Variants in AUTS2 observed in about 807,000 individuals in gnomAD.
The protein encoded by AUTS2 is activator of transcription and developmental regulator AUTS2, also known as autism susceptibility gene 2 protein.
In AUTS2, 17 loss-of-function variants were observed where a neutral mutation model predicts 112.4. That is an observed-to-expected ratio of 0.15 (90% CI 0.10 to 0.23). The LOEUF is 0.23. AUTS2 is among the 10% of genes least tolerant of loss of function. The pLI is 1.00. For synonymous variants in AUTS2, 751 were observed against 702.7 expected (o/e 1.07, Z -1.09); for missense variants, 1,510 against 1,701.6 (o/e 0.89, Z 1.98).
chr7:70,448,603 G>T (rs1482010080), intron 5 of AUTS2, among the ~76,000 whole-genome samples: 2 of 152,210 alleles, frequency 1.3e-5, no homozygotes, highest in Non-Finnish European at 2.9e-5. Context: ...TCATGGAACA[G>T]TAATTATTTC....
chr7:70,651,831 G>A (rs192852702), intron 5 of AUTS2, among the ~76,000 whole-genome samples: 91 of 152,240 alleles, frequency 6.0e-4, no homozygotes, highest in African/African-American at 2.1e-3. Flanking sequence ...GAAGTATTTG[G>A]AACTGGGGCT....
intron 1 of AUTS2, among the ~76,000 whole-genome samples, chr7:69,682,850 C>A (rs956224122): frequency 6.6e-6 from 1 of 152,146 alleles, no homozygotes; most frequent in Admixed American, 6.5e-5. Context: ...CTTTGGGAGG[C>A]TGAGGTGGGA....
chr7:70,554,689 T>C (rs192527508), intron 5 of AUTS2, among the ~76,000 whole-genome samples: 13 of 152,292 alleles, frequency 8.5e-5, no homozygotes, highest in African/African-American at 2.9e-4. Context: ...AAGGGGAAGA[T>C]ACTTAGCAGC....
rs368817087 is a variant in AUTS2 at position 70,775,306 on chromosome 7, C to G, written c.1903-51C>G. 4 of 1,528,916 alleles carry G rather than the reference C, an allele frequency of 2.6e-6. No homozygotes were observed. The African/African-American group carries it at 5.5e-5, about 21-fold the overall frequency. 94.7% of individuals were successfully genotyped at this position (1,528,916 alleles called of 1,614,324 possible). On this transcript the variant is annotated intron_variant, in intron 12 of 18. Transcript: ENST00000342771. ...AGCACTACAAATTTGTTAATTAGAG[C>G]AATTGTTTGAGTGACAGGCATGTAA...
intron 1 of AUTS2, among the ~76,000 whole-genome samples, chr7:69,658,789 A>G (rs1795661775): frequency 6.6e-6 from 1 of 152,362 alleles, no homozygotes; most frequent in South Asian, 2.1e-4. Context: ...GTTCATTACC[A>G]GGGAAATTCA....
chr7:70,543,311 G>T (rs1391734157), intron 5 of AUTS2, among the ~76,000 whole-genome samples: 1 of 152,108 alleles, frequency 6.6e-6, no homozygotes, highest in African/African-American at 2.4e-5. Context: ...AGACCAGCCT[G>T]ACCAAGATGG....
intron 5 of AUTS2, among the ~76,000 whole-genome samples, chr7:70,581,632 C>A (rs1802451501): frequency 6.6e-6 from 1 of 152,046 alleles, no homozygotes; most frequent in South Asian, 2.1e-4. Flanking sequence ...TGTTTGTTAC[C>A]CACCACAGTA....
chr7:70,288,071 G>C (rs946860087), intron 4 of AUTS2, among the ~76,000 whole-genome samples: 4 of 152,074 alleles, frequency 2.6e-5, no homozygotes, highest in Non-Finnish European at 4.4e-5. Context: ...AAAACTAAAG[G>C]CTTCTTCAAG....
At chr7:69,627,869 A>G (rs1345846228) in intron 1 of AUTS2, among the ~76,000 whole-genome samples, 1 of 152,214 alleles carries the variant, frequency 6.6e-6, no homozygotes, top group African/African-American at 2.4e-5. Flanking sequence ...ATGAGTTATT[A>G]TATGTGAAGT....
chr7:69,795,513 T>A (rs183107483), intron 1 of AUTS2, among the ~76,000 whole-genome samples: 1 of 152,244 alleles, frequency 6.6e-6, no homozygotes, highest in East Asian at 1.9e-4. Context: ...GACCCCTGTT[T>A]CTGCCAAAAA....
intron 4 of AUTS2, among the ~76,000 whole-genome samples, chr7:70,423,154 G>A (rs1222477145): frequency 6.6e-6 from 1 of 152,164 alleles, no homozygotes; most frequent in East Asian, 1.9e-4. Context: ...CTGAAAGGGT[G>A]GTGGTCTGTT....
rs560174649 is a variant in AUTS2, at chr7:70,488,612, C to T, written c.690+52831C>T. The stretch of plus-strand genomic sequence containing the variant: ...CCTCTTTTTCCCAGCAACCTGCCGT[C>T]CTCAACCCTTTCTCTGGATCTCACT... On this transcript the variant is annotated intron_variant, in intron 5 of 18. Coordinates refer to ENST00000342771, the MANE Select transcript of AUTS2 (RefSeq NM_015570.4). Among the ~76,000 whole-genome samples, 73 of 152,246 alleles carry T rather than the reference C, an allele frequency of 4.8e-4. 1 individual carries two copies. In the Middle Eastern group the frequency reaches 0.017, roughly 35 times the overall value.
At chr7:70,032,888 A>T (rs1338853286) in intron 2 of AUTS2, among the ~76,000 whole-genome samples, 1 of 152,166 alleles carries the variant, frequency 6.6e-6, no homozygotes. Context: ...CAGAGTAAAA[A>T]AAAAAAAAGA....
intron 1 of AUTS2, among the ~76,000 whole-genome samples, chr7:69,826,512 T>C (rs1181789064): frequency 1.3e-5 from 2 of 152,194 alleles, no homozygotes; most frequent in African/African-American, 2.4e-5. Flanking sequence ...TTGAATCCTT[T>C]ATTTGCATTG....
At chr7:70,560,657 A>T (rs1801449941) in intron 5 of AUTS2, among the ~76,000 whole-genome samples, 2 of 152,266 alleles carry the variant, frequency 1.3e-5, no homozygotes, top group Non-Finnish European at 2.9e-5. Context: ...ATATTTTGTG[A>T]AATCCAGGAT....
intron 2 of AUTS2, among the ~76,000 whole-genome samples, chr7:69,917,114 A>C (rs1236648157): frequency 6.6e-6 from 1 of 152,040 alleles, no homozygotes; most frequent in African/African-American, 2.4e-5. Context: ...CATGGGTTCA[A>C]AATGTCCTTC....
chr7:70,628,690 T>C (rs1805092993), intron 5 of AUTS2, among the ~76,000 whole-genome samples: 1 of 151,622 alleles, frequency 6.6e-6, no homozygotes, highest in South Asian at 2.1e-4. Flanking sequence ...TTACAGGAGG[T>C]TGAGACTGGA....
chr7:70,162,441 G>A (rs1245293603), intron 4 of AUTS2, among the ~76,000 whole-genome samples: 5 of 67,100 alleles, frequency 7.5e-5, no homozygotes, highest in African/African-American at 1.4e-4. Context: ...GCGAGACTCC[G>A]TCTCAAAAAA....
At chr7:69,968,400 A>G (rs1797714390) in intron 2 of AUTS2, among the ~76,000 whole-genome samples, 1 of 152,220 alleles carries the variant, frequency 6.6e-6, no homozygotes, top group Non-Finnish European at 1.5e-5. Flanking sequence ...ATTTTAACAT[A>G]CCATTTCTGG....
Sources: allele counts gnomAD v4.1 joint callset (sites outside exome capture counted in the v4.1 genomes callset), GRCh38; gene constraint gnomAD v4.1.1; transcripts MANE v1.5; gene names NCBI Gene and HGNC (gene_info 2026-07-23, HGNC 2026-07-21).